The following MAP2K3 variants were observed in gnomAD, a reference collection of about 807,000 sequenced individuals.
MAP2K3 encodes the protein dual specificity mitogen-activated protein kinase kinase 3.
A neutral mutation model predicts 46.4 loss-of-function variants in MAP2K3; 30 were observed. That is an observed-to-expected ratio of 0.65 (90% CI 0.48 to 0.88). The LOEUF (loss-of-function observed/expected upper bound fraction) is 0.88, where lower values mean the gene tolerates loss of function less well. MAP2K3 is among the 40% of genes least tolerant of loss of function. MAP2K3 has a pLI of 0.00. For missense variants in MAP2K3, 380 were observed against 464.5 expected (o/e 0.82, Z 1.67); for synonymous variants, 189 against 176.3 (o/e 1.07, Z -0.57).
At position 21,303,190 on chromosome 17, in the gene MAP2K3, G is replaced by A. The variant is rs747851232; in HGVS notation, c.524G>A (p.Arg175Gln). The stretch of plus-strand genomic sequence containing the variant: ...TCCCCACCCCACCGCCAGATCGTGC[G>A]GGCCCTGGAGCATCTGCACAGCAAG... Reference protein sequence around the residue: ...ILGEIAVSIVRALEHLHSKLS... With the variant: ...ILGEIAVSIVQALEHLHSKLS... The change falls in exon 7 of 12, where the codon CGG becomes CAG. Residue 175 changes from arginine (R) to glutamine (Q), a missense_variant. Arg to Gln is a conservative substitution (Grantham distance 43, BLOSUM62 1). Coordinates refer to ENST00000342679, the MANE Select transcript of MAP2K3 (RefSeq NM_145109.3). The A allele has an allele frequency of 3.5e-5, 56 of 1,614,008 alleles. No homozygotes were observed. The highest frequency in any genetic ancestry group is 4.0e-5 in the Non-Finnish European group (47 of 1,179,964).
At chr17:21,299,341 G>A (rs1237405713) in intron 3 of MAP2K3, among the ~76,000 whole-genome samples, 1 of 152,312 alleles carries the variant, frequency 6.6e-6, no homozygotes, top group Non-Finnish European at 1.5e-5. Flanking sequence ...TAGCCATTCA[G>A]AATCCTGGCT....
At position 21,284,780 on chromosome 17, in the gene MAP2K3, TCGCCGCCGCCGCCGC is replaced by T; in HGVS notation, c.-128_-114del. 3.3e-6 allele frequency: 3 copies of T among 902,290 alleles called. No homozygotes were observed. Among genetic ancestry groups the T allele is most frequent in the South Asian group, 4.1e-5 (2 of 49,106 alleles). 55.9% of individuals were successfully genotyped at this position (902,290 alleles called of 1,614,324 possible). On this transcript the variant is annotated 5_prime_UTR_variant, in exon 1 of 12. Coordinates refer to ENST00000342679, the MANE Select transcript of MAP2K3 (RefSeq NM_145109.3). ...GTCGCCGCCGCAGTCCTCGCCGCAG[TCGCCGCCGCCGCCGC>T]CGCCGCCGCCGCTGCTCCTCCGCCT...
intron 4 of MAP2K3, 53 bp downstream of exon 4, chr17:21,300,711 G>A: frequency 6.3e-7 from 1 of 1,594,920 alleles, no homozygotes; most frequent in Non-Finnish European, 8.5e-7. Context: ...GGCGGGCTGA[G>A]CTCTGCCATG....
intron 5 of MAP2K3, among the ~76,000 whole-genome samples, chr17:21,301,460 T>A (rs1316098786): frequency 3.9e-5 from 6 of 152,304 alleles, no homozygotes; most frequent in Admixed American, 3.3e-4. Flanking sequence ...CCAAGCCGGG[T>A]GGGTGTGGGT....
chr17:21,313,383 C>G lies in MAP2K3; in HGVS notation c.915-109C>G, dbSNP rs111431447. 6 of 831,294 alleles carry G rather than the reference C, an allele frequency of 7.2e-6. No individual in the cohort carries two copies. The Admixed American group carries it at 1.0e-4, about 14-fold the overall frequency. The allele number at this position is 831,294 out of a possible 1,614,324, so 51.5% of individuals were successfully genotyped here. A position where few individuals can be genotyped will look rare whatever the true frequency, so the allele number is the denominator to read the frequency against. On this transcript the variant is annotated intron_variant, in intron 10 of 11. Coordinates refer to ENST00000342679, the MANE Select transcript of MAP2K3 (RefSeq NM_145109.3). ...TCCTGTCCCTTCTTCCCTGGGTGCA[C>G]GTGTCCCCTGCTGCTAGGCCTGGGG...
At chr17:21,308,930 T>C (rs1851136956) in intron 9 of MAP2K3, among the ~76,000 whole-genome samples, 1 of 152,290 alleles carries the variant, frequency 6.6e-6, no homozygotes, top group Non-Finnish European at 1.5e-5. Flanking sequence ...TTATCAAATA[T>C]TGCATAGCAA....
intron 2 of MAP2K3, 121 bp from the exon 3 acceptor site, chr17:21,298,757 G>A: frequency 2.1e-6 from 3 of 1,457,930 alleles, no homozygotes; most frequent in Non-Finnish European, 2.9e-6. Context: ...GGCCGGAGAA[G>A]GCGCCTCCGG....
intron 1 of MAP2K3, among the ~76,000 whole-genome samples, chr17:21,287,470 G>A (rs964968354): frequency 6.6e-6 from 1 of 152,270 alleles, no homozygotes; most frequent in Non-Finnish European, 1.5e-5. Flanking sequence ...AGCAGGGAGT[G>A]GCTGGCGCTT....
chr17:21,286,855 C>T (rs996825591), intron 1 of MAP2K3, among the ~76,000 whole-genome samples: 1 of 152,216 alleles, frequency 6.6e-6, no homozygotes, highest in Non-Finnish European at 1.5e-5. Flanking sequence ...GGACCTCCCT[C>T]AGGCCCAGGG....
chr17:21,284,876 G>A lies in MAP2K3; in HGVS notation c.-45G>A, dbSNP rs1017958447. On this transcript the variant is annotated 5_prime_UTR_variant, in exon 1 of 12. Coordinates refer to ENST00000342679, the MANE Select transcript of MAP2K3 (RefSeq NM_145109.3). ...GTGCTCGGCCCCGGTGGAGCCCGCA[G>A]TCCTCTAGATTAGTCTCCACCGCCG... 7 of 1,604,144 alleles carry A rather than the reference G, an allele frequency of 4.4e-6. No homozygotes were observed. The highest frequency in any genetic ancestry group is 5.1e-6 in the Non-Finnish European group (6 of 1,175,178).
chr17:21,296,708 G>A (rs1224989814), intron 1 of MAP2K3, among the ~76,000 whole-genome samples: 2 of 152,308 alleles, frequency 1.3e-5, no homozygotes, highest in Non-Finnish European at 2.9e-5. Flanking sequence ...TGGAGTCACA[G>A]ATGAGAAGGG....
At chr17:21,309,734 C>T (rs1173875469) in intron 9 of MAP2K3, among the ~76,000 whole-genome samples, 1 of 151,982 alleles carries the variant, frequency 6.6e-6, no homozygotes, top group Non-Finnish European at 1.5e-5. Flanking sequence ...CTGCCTCAGG[C>T]TCCCGAGTAG....
intron 9 of MAP2K3, among the ~76,000 whole-genome samples, chr17:21,307,845 CTTTTTTTTTTTTTT>C (rs35690616): frequency 3.8e-5 from 4 of 104,764 alleles, no homozygotes; most frequent in Admixed American, 1.2e-4. Context: ...GCCCGGCTAT[CTTTTTTTTTTTTTT>C]TTTTTTTTTT....
At chr17:21,288,861 T>C (rs1427261066) in intron 1 of MAP2K3, among the ~76,000 whole-genome samples, 1 of 152,232 alleles carries the variant, frequency 6.6e-6, no homozygotes, top group Non-Finnish European at 1.5e-5. Context: ...GGGATGGCCC[T>C]GGGTTCGAAT....
rs889093120 is a variant in MAP2K3 at position 21,284,780 on chromosome 17, T to TCGCCGCCGCCGC, written c.-125_-114dup. On this transcript the variant is annotated 5_prime_UTR_variant, in exon 1 of 12. Transcript: ENST00000342679. ...GTCGCCGCCGCAGTCCTCGCCGCAGTCGCCGCCGCCGCCGCCGCCGCCGCC... is the reference window on the plus strand; with the variant it reads ...GTCGCCGCCGCAGTCCTCGCCGCAGTCGCCGCCGCCGCCGCCGCCGCCGCCGCCGCCGCCGCC... 8 of 902,348 alleles carry TCGCCGCCGCCGC rather than the reference T, an allele frequency of 8.9e-6. No individual in the cohort carries two copies. The highest frequency in any genetic ancestry group is 3.3e-5 in the East Asian group (1 of 30,218). The allele number at this position is 902,348 out of a possible 1,614,324, so 55.9% of individuals were successfully genotyped here.
At chr17:21,302,282 CG>C (rs33939330) in intron 6 of MAP2K3, 23 bp downstream of exon 6, 6 of 84,574 alleles carry the variant, frequency 7.1e-5, no homozygotes, top group Middle Eastern at 0.011. Flanking sequence ...GGTGGGCTGG[CG>C]GGGGGTCCTA....
intron 1 of MAP2K3, among the ~76,000 whole-genome samples, chr17:21,293,029 A>G (rs1015786395): frequency 4.6e-5 from 7 of 152,306 alleles, no homozygotes; most frequent in Admixed American, 1.3e-4. Context: ...AGAAATTTGC[A>G]TAGGCCAGGC....
chr17:21,288,087 C>T (rs1277791406), intron 1 of MAP2K3: 21 of 1,289,182 alleles, frequency 1.6e-5, no homozygotes, highest in Admixed American at 2.3e-5. Context: ...CGGAGGCTTC[C>T]GGCGGTGAGT....
Position 21,284,774 on chromosome 17 carries a change from C to A in MAP2K3, c.-147C>A, listed in dbSNP as rs1975677262. ...GCTGCAGTCGCCGCCGCAGTCCTCGCCGCAGTCGCCGCCGCCGCCGCCGCC... is the reference window on the plus strand; with the variant it reads ...GCTGCAGTCGCCGCCGCAGTCCTCGACGCAGTCGCCGCCGCCGCCGCCGCC... On this transcript the variant is annotated 5_prime_UTR_variant, in exon 1 of 12. Coordinates refer to ENST00000342679, the MANE Select transcript of MAP2K3 (RefSeq NM_145109.3). 1 of 844,388 alleles carries A rather than the reference C, an allele frequency of 1.2e-6. No individual in the cohort carries two copies. Among genetic ancestry groups the A allele is most frequent in the Non-Finnish European group, 1.7e-6 (1 of 577,368 alleles). 52.3% of individuals were successfully genotyped at this position (844,388 alleles called of 1,614,324 possible).
Sources: gnomAD v4.1 joint callset for allele counts (sites outside exome capture counted in the v4.1 genomes callset) on GRCh38, gnomAD v4.1.1 for gene constraint, MANE v1.5 for transcripts, NCBI Gene and HGNC (gene_info 2026-07-23, HGNC 2026-07-21) for gene names.